Variants in PALMD observed in about 807,000 individuals in gnomAD.
PALMD encodes paralemmin-like protein.
In PALMD, 42 loss-of-function variants were observed where a neutral mutation model predicts 56.2. The observed-to-expected ratio is 0.75, with a 90% confidence interval of 0.58 to 0.97. The LOEUF is 0.97. Among genes scored for constraint, PALMD ranks in the 50% least tolerant of loss-of-function variants. The pLI is 0.00. For synonymous variants in PALMD, 242 were observed against 222.9 expected (o/e 1.09, Z -0.76); for missense variants, 660 against 643.8 (o/e 1.03, Z -0.27).
At chr1:99,683,130 G>A (rs1265667880) in intron 3 of PALMD, 1 of 125,306 alleles carries the variant, frequency 8.0e-6, no homozygotes, top group East Asian at 2.1e-4. Flanking sequence ...AAGAAAGAAA[G>A]AAAGAAAGAA....
intron 3 of PALMD, chr1:99,669,753 G>A (rs931563134): frequency 1.3e-5 from 2 of 152,190 alleles, no homozygotes; most frequent in Non-Finnish European, 1.5e-5. Context: ...AGAAGCACAC[G>A]AGCTCCCAGA....
chr1:99,684,207 C>T (rs746908490), intron 3 of PALMD: 14 of 152,112 alleles, frequency 9.2e-5, no homozygotes, highest in Non-Finnish European at 1.6e-4. Context: ...TAGCCCTGGC[C>T]TGATTTTGTA....
intron 6 of PALMD, among the ~76,000 whole-genome samples, chr1:99,687,867 A>G (rs1457387317): frequency 6.8e-6 from 1 of 146,944 alleles, no homozygotes; most frequent in Admixed American, 6.9e-5. Flanking sequence ...GGGGTGTTGC[A>G]GTTTTTCTTG....
intron 1 of PALMD, among the ~76,000 whole-genome samples, chr1:99,658,945 C>CAA (rs762864867): frequency 2.7e-5 from 3 of 110,076 alleles, no homozygotes; most frequent in East Asian, 2.6e-4. Context: ...GACGCTGTCT[C>CAA]AAAAAAAAAA....
In PALMD at chr1:99,686,588, A is replaced by G. The variant is rs2100874809; in HGVS notation, c.252-88A>G. Reference sequence around the variant, plus strand: ...TCTGGCTACTTACATGCATATTCCAAGGAAACTTTATATATGGGGAAGACA... The same window carrying G: ...TCTGGCTACTTACATGCATATTCCAGGGAAACTTTATATATGGGGAAGACA... On this transcript the variant is annotated intron_variant, in intron 3 of 7. Coordinates refer to ENST00000263174, the MANE Select transcript of PALMD (RefSeq NM_017734.5). The G allele has an allele frequency of 6.1e-6, 4 of 656,602 alleles. No homozygotes were observed. In the South Asian group the frequency reaches 8.7e-5, roughly 14 times the overall value. 40.7% of individuals were successfully genotyped at this position (656,602 alleles called of 1,614,324 possible). A position where few individuals can be genotyped will look rare whatever the true frequency, so the allele number is the denominator to read the frequency against.
At chr1:99,661,717 C>T (rs932499135) in intron 1 of PALMD, among the ~76,000 whole-genome samples, 1 of 152,206 alleles carries the variant, frequency 6.6e-6, no homozygotes, top group African/African-American at 2.4e-5. Context: ...GTAATTTAAA[C>T]TTGGTGAAAG....
intron 1 of PALMD, among the ~76,000 whole-genome samples, chr1:99,660,019 A>C (rs906775888): frequency 6.6e-6 from 1 of 152,232 alleles, no homozygotes; most frequent in East Asian, 1.9e-4. Context: ...ACTGGCAATG[A>C]GCAGGGGTGG....
At chr1:99,655,861 A>C (rs2100855437) in intron 1 of PALMD, among the ~76,000 whole-genome samples, 1 of 152,192 alleles carries the variant, frequency 6.6e-6, no homozygotes, top group Non-Finnish European at 1.5e-5. Flanking sequence ...TATCTCTGTC[A>C]TTTTGATATT....
At chr1:99,663,676 C>G (rs1479116238) in intron 2 of PALMD, among the ~76,000 whole-genome samples, 1 of 152,132 alleles carries the variant, frequency 6.6e-6, no homozygotes, top group Non-Finnish European at 1.5e-5. Flanking sequence ...TGATAGCTCT[C>G]TAGCTATCCT....
intron 3 of PALMD, among the ~76,000 whole-genome samples, chr1:99,673,294 A>G (rs1557671230): frequency 6.6e-6 from 1 of 152,182 alleles, no homozygotes; most frequent in Non-Finnish European, 1.5e-5. Context: ...TTTAACCCCT[A>G]CTTAATGCTT....
intron 6 of PALMD, among the ~76,000 whole-genome samples, chr1:99,687,636 T>C (rs933545823): frequency 6.6e-6 from 1 of 152,162 alleles, no homozygotes; most frequent in Non-Finnish European, 1.5e-5. Context: ...AATGAAGGTT[T>C]GCATTAGAGC....
intron 3 of PALMD, among the ~76,000 whole-genome samples, chr1:99,679,707 T>C (rs1273261160): frequency 2.6e-5 from 4 of 152,214 alleles, no homozygotes; most frequent in Admixed American, 2.6e-4. Flanking sequence ...TCTAAGCTCC[T>C]AAGAATCAAT....
At chr1:99,673,844 T>C (rs1282698488) in intron 3 of PALMD, among the ~76,000 whole-genome samples, 1 of 152,178 alleles carries the variant, frequency 6.6e-6, no homozygotes, top group African/African-American at 2.4e-5. Flanking sequence ...TACCTGTGAA[T>C]ACATAGCTTA....
intron 6 of PALMD, 61 bp downstream of exon 6, chr1:99,687,250 A>G: frequency 6.6e-7 from 1 of 1,516,338 alleles, no homozygotes; most frequent in Middle Eastern, 2.0e-4. Context: ...AGTGTCAAAT[A>G]TTCACAACTT....
intron 1 of PALMD, among the ~76,000 whole-genome samples, chr1:99,658,157 A>G (rs1652767732): frequency 6.6e-6 from 1 of 151,758 alleles, no homozygotes; most frequent in African/African-American, 2.4e-5. Context: ...TACAAAAATT[A>G]CCCGGGCATG....
At chr1:99,668,668 C>T (rs1393673812) in intron 3 of PALMD, 1 of 152,222 alleles carries the variant, frequency 6.6e-6, no homozygotes, top group African/African-American at 2.4e-5. Flanking sequence ...CAGGCGTTCA[C>T]TTCATTTCTC....
At chr1:99,651,727 A>G (rs966306421) in intron 1 of PALMD, among the ~76,000 whole-genome samples, 25 of 152,250 alleles carry the variant, frequency 1.6e-4, no homozygotes, top group African/African-American at 6.0e-4. Flanking sequence ...TTCCTAAAAC[A>G]TCATCAAAGC....
chr1:99,656,363 C>T (rs573834547), intron 1 of PALMD, among the ~76,000 whole-genome samples: 155 of 150,324 alleles, frequency 1.0e-3, no homozygotes, highest in African/African-American at 3.6e-3. Flanking sequence ...ACTGTTAGCA[C>T]GTCTCTTTTT....
At chr1:99,650,480 G>A (rs995497964) in intron 1 of PALMD, among the ~76,000 whole-genome samples, 2 of 152,074 alleles carry the variant, frequency 1.3e-5, no homozygotes, top group African/African-American at 4.8e-5. Context: ...ACAAGAACAT[G>A]AGCACGGATG....
Sources: gnomAD v4.1 joint callset for allele counts (sites outside exome capture counted in the v4.1 genomes callset) on GRCh38, gnomAD v4.1.1 for gene constraint, MANE v1.5 for transcripts, NCBI Gene and HGNC (gene_info 2026-07-23, HGNC 2026-07-21) for gene names.